APCDD1L: variants seen among roughly 807,000 people sequenced by gnomAD.
APCDD1L encodes APC down-regulated 1 like.
A neutral mutation model predicts 24.2 loss-of-function variants in APCDD1L; 21 were observed. That is an observed-to-expected ratio of 0.87 (90% CI 0.61 to 1.25). APCDD1L has a LOEUF of 1.25. Among genes scored for constraint, APCDD1L ranks in the 50% most tolerant of loss-of-function variants. APCDD1L has a pLI of 0.00. For synonymous variants in APCDD1L, 321 were observed against 323.6 expected (o/e 0.99, Z 0.09); for missense variants, 704 against 711.7 (o/e 0.99, Z 0.12).
At chr20:58,470,353 AC>A (rs1989786334) in intron 2 of APCDD1L, among the ~76,000 whole-genome samples, 1 of 152,218 alleles carries the variant, frequency 6.6e-6, no homozygotes, top group South Asian at 2.1e-4. Flanking sequence ...GACCCCTGGC[AC>A]TTAGCTCGTA....
At chr20:58,505,801 G>A (rs1990519236) in intron 1 of APCDD1L, among the ~76,000 whole-genome samples, 2 of 152,208 alleles carry the variant, frequency 1.3e-5, no homozygotes, top group South Asian at 4.1e-4. Flanking sequence ...TACTGGAGCA[G>A]GGTGAGCCCT....
chr20:58,472,718 T>C (rs1989834359), intron 1 of APCDD1L, among the ~76,000 whole-genome samples: 2 of 152,202 alleles, frequency 1.3e-5, no homozygotes, highest in Admixed American at 6.5e-5. Flanking sequence ...CACCGACTCA[T>C]CAGCACTTGG....
chr20:58,484,386 C>T (rs1293222269), intron 1 of APCDD1L, among the ~76,000 whole-genome samples: 1 of 152,210 alleles, frequency 6.6e-6, no homozygotes, highest in East Asian at 1.9e-4. Context: ...GACTCTGGTC[C>T]CCTCTGAACT....
At chr20:58,463,597 C>T (rs769031299) in intron 3 of APCDD1L, among the ~76,000 whole-genome samples, 3 of 152,146 alleles carry the variant, frequency 2.0e-5, no homozygotes, top group Non-Finnish European at 4.4e-5. Context: ...TAGGCCAGAG[C>T]GCCGTTCTGG....
chr20:58,481,728 C>T (rs887427924), intron 1 of APCDD1L, among the ~76,000 whole-genome samples: 2 of 152,186 alleles, frequency 1.3e-5, no homozygotes, highest in African/African-American at 2.4e-5. Context: ...ACCCTCACCC[C>T]GCCGGCTCCA....
chr20:58,474,478 C>T (rs747144310), intron 1 of APCDD1L, among the ~76,000 whole-genome samples: 4 of 152,214 alleles, frequency 2.6e-5, no homozygotes, highest in East Asian at 3.9e-4. Flanking sequence ...CCGAGGTGGG[C>T]GGATCACCTG....
chr20:58,468,361 A>G (rs187596721), intron 2 of APCDD1L, among the ~76,000 whole-genome samples: 2 of 152,246 alleles, frequency 1.3e-5, no homozygotes, highest in Admixed American at 1.3e-4. Flanking sequence ...TGCTGGTGAT[A>G]CAAACAGATC....
chr20:58,470,093 C>T (rs1989782851), intron 2 of APCDD1L, among the ~76,000 whole-genome samples: 1 of 152,214 alleles, frequency 6.6e-6, no homozygotes, highest in African/African-American at 2.4e-5. Context: ...CTTCCCGCCC[C>T]AGGGCCCTTC....
intron 1 of APCDD1L, among the ~76,000 whole-genome samples, chr20:58,485,143 T>TACACACACACAC (rs3069429): frequency 7.1e-4 from 106 of 149,714 alleles, no homozygotes; most frequent in African/African-American, 2.5e-3. Context: ...TAGGTTGTGG[T>TACACACACACAC]ACACACACAC....
At chr20:58,471,712 C>T (rs561709091) in intron 1 of APCDD1L, among the ~76,000 whole-genome samples, 5 of 152,348 alleles carry the variant, frequency 3.3e-5, no homozygotes, top group South Asian at 2.1e-4. Flanking sequence ...GGCTGATGGG[C>T]TTGAGATGGC....
intron 1 of APCDD1L, among the ~76,000 whole-genome samples, chr20:58,495,280 A>C (rs147737333): frequency 1.8e-4 from 27 of 152,314 alleles, no homozygotes; most frequent in African/African-American, 5.5e-4. Flanking sequence ...AAAAAGTTTT[A>C]AGAGTTTCAA....
chr20:58,467,613 G>C lies in APCDD1L; in HGVS notation c.234C>G (p.Thr78=). ...CTCGAAAGAGCCGGCTGGGGTAGAAGGTGTAGGCGCGGGTCAGGAACTCCG... is the reference window on the plus strand; with the variant it reads ...CTCGAAAGAGCCGGCTGGGGTAGAACGTGTAGGCGCGGGTCAGGAACTCCG... The part of the protein sequence containing the change: ...PGPEFLTRAY[T]FYPSRLFRAH... The change falls in exon 3 of 4, where the codon ACC becomes ACG. Residue 78 remains threonine (T), a synonymous_variant. Coordinates refer to ENST00000371149, the MANE Select transcript of APCDD1L (RefSeq NM_153360.3). The surrounding 1 kb of genome is among the most constrained non-coding windows in gnomAD (Gnocchi z 5.9). 1.9e-6 allele frequency: 3 copies of C among 1,539,000 alleles called. No homozygotes were observed. Among genetic ancestry groups the C allele is most frequent in the Non-Finnish European group, 2.6e-6 (3 of 1,139,646 alleles).
intron 1 of APCDD1L, among the ~76,000 whole-genome samples, chr20:58,483,285 A>T (rs1315399051): frequency 6.6e-6 from 1 of 152,010 alleles, no homozygotes; most frequent in Non-Finnish European, 1.5e-5. Flanking sequence ...GTGCGGAGGG[A>T]GGCCTTGCTG....
intron 1 of APCDD1L, among the ~76,000 whole-genome samples, chr20:58,480,828 G>C (rs150617910): frequency 3.3e-5 from 5 of 152,278 alleles, no homozygotes; most frequent in African/African-American, 1.2e-4. Context: ...TCTTGCTCTG[G>C]CTGGAGCTCC....
chr20:58,474,218 C>T (rs1989866177), intron 1 of APCDD1L, among the ~76,000 whole-genome samples: 1 of 152,172 alleles, frequency 6.6e-6, no homozygotes, highest in Non-Finnish European at 1.5e-5. Flanking sequence ...CTTGGCAGAG[C>T]CCAAAGGATT....
intron 3 of APCDD1L, among the ~76,000 whole-genome samples, chr20:58,465,650 G>A (rs1294239709): frequency 1.3e-5 from 2 of 152,088 alleles, no homozygotes; most frequent in Admixed American, 6.5e-5. Flanking sequence ...TTTTCACCTC[G>A]AATGCTAACC....
chr20:58,504,382 C>T (rs1990496263), intron 1 of APCDD1L, among the ~76,000 whole-genome samples: 1 of 152,148 alleles, frequency 6.6e-6, no homozygotes, highest in African/African-American at 2.4e-5. Flanking sequence ...TCTGCCCTTT[C>T]ACGCATTCTG....
At chr20:58,502,567 AG>A (rs1325708247) in intron 1 of APCDD1L, among the ~76,000 whole-genome samples, 1 of 152,238 alleles carries the variant, frequency 6.6e-6, no homozygotes, top group Non-Finnish European at 1.5e-5. Context: ...TGCTTGTTGA[AG>A]AACTGAATAC....
chr20:58,498,542 C>T (rs6026314), intron 1 of APCDD1L, among the ~76,000 whole-genome samples: 1 of 152,166 alleles, frequency 6.6e-6, no homozygotes, highest in Admixed American at 6.5e-5. Flanking sequence ...CTGCTGGCCT[C>T]GGGGGAAGCT....
Sources: gnomAD v4.1 joint callset for allele counts (sites outside exome capture counted in the v4.1 genomes callset) on GRCh38, gnomAD v4.1.1 for gene constraint, Gnocchi (gnomAD v3.1) non-coding constraint, MANE v1.5 for transcripts, NCBI Gene and HGNC (gene_info 2026-07-23, HGNC 2026-07-21) for gene names.